ATP8B1: variants seen among roughly 807,000 people sequenced by gnomAD.
ATP8B1 encodes phospholipid-transporting ATPase IC.
In ATP8B1, 80 loss-of-function variants were observed where a neutral mutation model predicts 149.9. That is an observed-to-expected ratio of 0.53 (90% CI 0.45 to 0.64). ATP8B1 has a LOEUF of 0.64. Among genes scored for constraint, ATP8B1 ranks in the 30% least tolerant of loss-of-function variants. The probability of loss-of-function intolerance (pLI) is 0.00; values close to 1 mark genes in which losing one functional copy is unlikely to be tolerated. For missense variants in ATP8B1, 1,247 were observed against 1,552.6 expected (o/e 0.80, Z 3.31); for synonymous variants, 536 against 562.8 (o/e 0.95, Z 0.67).
chr18:57,791,204 C>A (rs2080460373), intron 1 of ATP8B1, among the ~76,000 whole-genome samples: 1 of 152,190 alleles, frequency 6.6e-6, no homozygotes, highest in Non-Finnish European at 1.5e-5. Context: ...CTGAACTTGA[C>A]TATTCTGGGC....
chr18:57,756,379 C>T (rs747403532), intron 1 of ATP8B1, among the ~76,000 whole-genome samples: 8 of 149,726 alleles, frequency 5.3e-5, no homozygotes, highest in African/African-American at 7.4e-5. Flanking sequence ...TGGCTTACTG[C>T]AACCTCCGCC....
intron 4 of ATP8B1, among the ~76,000 whole-genome samples, chr18:57,701,857 G>T (rs910568248): frequency 1.3e-5 from 2 of 151,786 alleles, no homozygotes; most frequent in African/African-American, 4.8e-5. Flanking sequence ...CACCACCCCC[G>T]GCTAATTTTT....
intron 1 of ATP8B1, among the ~76,000 whole-genome samples, chr18:57,742,236 A>T (rs1287935675): frequency 6.6e-6 from 1 of 152,200 alleles, no homozygotes; most frequent in Non-Finnish European, 1.5e-5. Flanking sequence ...AAAGAATCTC[A>T]TGAAGCAATA....
At position 57,706,605 on chromosome 18, in the gene ATP8B1, A is replaced by G; in HGVS notation, c.182-18T>C. ...TGTACATTCTTTAAAAAAAAGGGAG[A>G]AAAGTTCGTAAGTAGCAAATTAACA... On this transcript the variant is annotated intron_variant, in intron 2 of 27. Coordinates refer to ENST00000648908, the MANE Select transcript of ATP8B1 (RefSeq NM_001374385.1). 4 of 1,589,448 alleles carry G rather than the reference A, an allele frequency of 2.5e-6. No individual in the cohort carries two copies. The highest frequency in any genetic ancestry group is 3.4e-6 in the Non-Finnish European group (4 of 1,159,612).
intron 2 of ATP8B1, among the ~76,000 whole-genome samples, chr18:57,713,263 C>CTTTCTTTCTTTCTTTCTTTCTT (rs1555694288): frequency 3.2e-5 from 3 of 94,526 alleles, no homozygotes; most frequent in African/African-American, 1.3e-4. Context: ...TTCTTTCTTT[C>CTTTCTTTCTTTCTTTCTTTCTT]TCTTTCTTTC....
intron 8 of ATP8B1, among the ~76,000 whole-genome samples, chr18:57,697,388 C>T (rs892767109): frequency 2.6e-5 from 4 of 152,146 alleles, no homozygotes; most frequent in Non-Finnish European, 5.9e-5. Flanking sequence ...ATAAAGGGCT[C>T]AGACACATAT....
intron 26 of ATP8B1, 27 bp from the exon 27 acceptor site, chr18:57,650,524 C>T (rs1374756607): frequency 3.7e-6 from 6 of 1,609,424 alleles, no homozygotes; most frequent in Non-Finnish European, 5.1e-6. Context: ...AAATGCATCA[C>T]TGTGGTTCTT....
rs756828618 is a variant in ATP8B1 at position 57,652,704 on chromosome 18, C to T, written c.3041G>A (p.Arg1014Gln). 8.0e-5 allele frequency: 129 copies of T among 1,613,982 alleles called. 2 individuals are homozygous for T. In the South Asian group the frequency reaches 1.2e-3, roughly 15 times the overall value. Residue 1014 changes from arginine to glutamine, a missense_variant, in exon 25 of 28, where the codon CGA becomes CAA. This residue lies in a region of ATP8B1 where 230 missense variants were observed against 356.6 expected (regional missense o/e 0.65). Coordinates refer to ENST00000648908, the MANE Select transcript of ATP8B1 (RefSeq NM_001374385.1). The part of the protein sequence containing the change: ...DQDVSDKLSL[R>Q]FPGLYIVGQR... ...TCCCACTATGTATAACCCAGGGAAT[C>T]GGAGGCTCAGTTTGTCACTCACATC...
rs751422539 is a variant in ATP8B1, at chr18:57,706,484, A to G, written c.279+6T>C. The G allele has an allele frequency of 1.2e-6, 2 of 1,610,132 alleles. No homozygotes were observed. The highest frequency in any genetic ancestry group is 2.2e-5 in the East Asian group (1 of 44,840). On this transcript the variant is annotated splice_donor_region_variant and intron_variant, in intron 3 of 27. Coordinates refer to ENST00000648908, the MANE Select transcript of ATP8B1 (RefSeq NM_001374385.1). ...ATGAAAACAATTCAGAAAGTTAACA[A>G]CTCACCGCATATTTACTCTCCTTAA...
At chr18:57,789,332 G>A (rs1403447352) in intron 1 of ATP8B1, among the ~76,000 whole-genome samples, 5 of 152,140 alleles carry the variant, frequency 3.3e-5, no homozygotes, top group Admixed American at 3.3e-4. Flanking sequence ...CGCCTTGTGA[G>A]TCTGGAAACA....
chr18:57,704,611 A>G lies in ATP8B1; in HGVS notation c.337T>C (p.Phe113Leu). 6.2e-7 allele frequency: 1 copy of G among 1,612,346 alleles called. No individual in the cohort carries two copies. Among genetic ancestry groups the G allele is most frequent in the Admixed American group, 1.7e-5 (1 of 60,022 alleles). The change falls in exon 4 of 28, where the codon TTT (phenylalanine) becomes CTT (leucine). Residue 113 changes from phenylalanine to leucine, a missense_variant. This residue lies in a region of ATP8B1 where 853 missense variants were observed against 1,035.7 expected (regional missense o/e 0.82). Coordinates refer to ENST00000648908, the MANE Select transcript of ATP8B1 (RefSeq NM_001374385.1). ...TTGGCTGCTCTCTTAAACTGCTCAAACAGATTCATTGGTATAAAGGTAAAT... is the reference window on the plus strand; with the variant it reads ...TTGGCTGCTCTCTTAAACTGCTCAAGCAGATTCATTGGTATAAAGGTAAAT... ...NAFTFIPMNLFEQFKRAANLY... is the reference protein window; with the variant it reads ...NAFTFIPMNLLEQFKRAANLY...
rs1315054892 is a variant in ATP8B1 at position 57,722,912 on chromosome 18, G to A, written c.181+8715C>T. On this transcript the variant is annotated intron_variant, in intron 2 of 27. Coordinates refer to ENST00000648908, the MANE Select transcript of ATP8B1 (RefSeq NM_001374385.1). ...AAGCTTATCCACCATGATCAAGTGG[G>A]CTTCATCCCTGGGATGCAAGGCTGG... is the stretch of plus-strand genomic sequence containing the variant. 2.7e-5 allele frequency among the ~76,000 whole-genome samples: 4 copies of A among 149,884 alleles called. No homozygotes were observed. The South Asian group carries it at 8.5e-4, about 32-fold the overall frequency.
At chr18:57,731,582 T>G in intron 2 of ATP8B1, 45 bp downstream of exon 2, 17 of 1,601,638 alleles carry the variant, frequency 1.1e-5, no homozygotes, top group South Asian at 4.4e-5. Flanking sequence ...ATGACCCACA[T>G]GAGGATTTAT....
At position 57,802,555 on chromosome 18, in the gene ATP8B1, T is replaced by C. The variant is rs1363394361; in HGVS notation, c.-26+443A>G. On this transcript the variant is annotated intron_variant, in intron 1 of 27. Transcript: ENST00000648908. The surrounding 1 kb of genome is among the most constrained non-coding windows in gnomAD (Gnocchi z 4.9). The stretch of plus-strand genomic sequence containing the variant: ...AGTCCTTTTCGGACACGTTGGCATC[T>C]GCTCCCAAAGAGCGCCCCAGCAGGA... Among the ~76,000 whole-genome samples the C allele has an allele frequency of 6.6e-6, 1 of 152,218 alleles. No individual in the cohort carries two copies. The highest frequency in any genetic ancestry group is 1.9e-4 in the East Asian group (1 of 5,186).
intron 2 of ATP8B1, among the ~76,000 whole-genome samples, chr18:57,715,456 A>G (rs1037818840): frequency 3.3e-5 from 5 of 152,160 alleles, no homozygotes; most frequent in African/African-American, 1.2e-4. Flanking sequence ...AAGTTTATTC[A>G]AAGGATAATA....
At chr18:57,672,884 A>AGT (rs1394781664) in intron 16 of ATP8B1, among the ~76,000 whole-genome samples, 25 of 41,810 alleles carry the variant, frequency 6.0e-4, no homozygotes, top group African/African-American at 2.0e-3. Context: ...AAAAAAAAAA[A>AGT]AGTATATATA....
intron 2 of ATP8B1, among the ~76,000 whole-genome samples, chr18:57,710,485 C>T (rs1045171331): frequency 1.2e-4 from 19 of 152,064 alleles, no homozygotes; most frequent in Admixed American, 1.2e-3. Flanking sequence ...TGGCTCCGAA[C>T]GCTTGCTTAC....
intron 22 of ATP8B1, among the ~76,000 whole-genome samples, chr18:57,657,355 G>C (rs946371866): frequency 5.3e-5 from 8 of 152,080 alleles, no homozygotes; most frequent in African/African-American, 7.2e-5. Flanking sequence ...AGAATGATTA[G>C]TTTTGTCTGG....
chr18:57,690,103 T>C (rs1912458837), intron 12 of ATP8B1, among the ~76,000 whole-genome samples: 1 of 152,018 alleles, frequency 6.6e-6, no homozygotes, highest in Non-Finnish European at 1.5e-5. Flanking sequence ...GAAGGAGAAG[T>C]GGTCAGAAAC....
Sources: allele counts gnomAD v4.1 joint callset (sites outside exome capture counted in the v4.1 genomes callset), GRCh38; gene constraint gnomAD v4.1.1; regional missense constraint gnomAD v4.1.1; non-coding constraint Gnocchi (gnomAD v3.1); transcripts MANE v1.5; gene names NCBI Gene and HGNC (gene_info 2026-07-23, HGNC 2026-07-21).